The following SLC12A7 variants were observed in gnomAD, a reference collection of about 807,000 sequenced individuals.
SLC12A7 encodes the protein solute carrier family 12 member 7, also known as K-Cl cotransporter 4.
Under a neutral mutation model 120.6 loss-of-function variants are expected in SLC12A7, and 100 were observed. The ratio of observed to expected loss-of-function variants is 0.83; its 90% CI spans 0.71 to 0.98. The LOEUF (loss-of-function observed/expected upper bound fraction) is 0.98. Among genes scored for constraint, SLC12A7 ranks in the 50% least tolerant of loss-of-function variants. SLC12A7 has a pLI of 0.00. For synonymous variants in SLC12A7, 760 were observed against 678.0 expected (o/e 1.12, Z -1.88); for missense variants, 1,373 against 1,548.1 (o/e 0.89, Z 1.90).
chr5:1,065,551 G>T, intron 17 of SLC12A7, 73 bp from the exon 18 acceptor site: 2 of 1,340,450 alleles, frequency 1.5e-6, no homozygotes, highest in Non-Finnish European at 2.0e-6. Context: ...ACCCACGGTG[G>T]CCAGGGCACC....
chr5:1,076,643 C>T (rs757083002), intron 13 of SLC12A7, 51 bp downstream of exon 13: 78 of 1,389,190 alleles, frequency 5.6e-5, no homozygotes, highest in African/African-American at 9.9e-5. Context: ...CACTGCCCCA[C>T]GCTCCAGGCC....
chr5:1,061,456 T>A, intron 20 of SLC12A7, among the ~76,000 whole-genome samples: 1 of 30,254 alleles, frequency 3.3e-5, no homozygotes, highest in Non-Finnish European at 6.9e-5. Context: ...CCGTGCGGGA[T>A]CCCTGAGTCT....
the SLC12A7 span, among the ~76,000 whole-genome samples, chr5:1,129,529 A>G: frequency 6.6e-6 from 1 of 152,254 alleles, no homozygotes; most frequent in Non-Finnish European, 1.5e-5. Flanking sequence ...GACCAGGACC[A>G]GGACCAGGGA....
intron 2 of SLC12A7, 65 bp from the exon 3 acceptor site, chr5:1,093,720 C>G (rs1240763159): frequency 6.3e-6 from 10 of 1,599,052 alleles, no homozygotes; most frequent in African/African-American, 2.7e-5. Context: ...ACCTCCCTCC[C>G]CGTGTTCAGG....
At chr5:1,080,691 C>A (rs1402937485) in intron 9 of SLC12A7, among the ~76,000 whole-genome samples, 1 of 152,210 alleles carries the variant, frequency 6.6e-6, no homozygotes, top group Non-Finnish European at 1.5e-5. Context: ...GGCCCCACCC[C>A]CTGGGGAACA....
At chr5:1,093,969 C>T (rs1187780881) in intron 2 of SLC12A7, among the ~76,000 whole-genome samples, 185 bp downstream of exon 2, 2 of 152,122 alleles carry the variant, frequency 1.3e-5, no homozygotes, top group Admixed American at 6.5e-5. Context: ...AGCCGAGGAG[C>T]ACGTCCCAGC....
intron 3 of SLC12A7, among the ~76,000 whole-genome samples, chr5:1,091,724 C>T (rs1740525549): frequency 1.3e-5 from 2 of 151,504 alleles, no homozygotes. Context: ...AATTCCGCGG[C>T]GTCCACGTGC....
At chr5:1,052,911 T>A (rs1398813288) in intron 23 of SLC12A7, among the ~76,000 whole-genome samples, 2 of 152,170 alleles carry the variant, frequency 1.3e-5, no homozygotes, top group East Asian at 3.8e-4. Flanking sequence ...ACTGCGGAGT[T>A]CTCCTTCCAA....
the SLC12A7 span, among the ~76,000 whole-genome samples, chr5:1,151,717 G>C: frequency 6.6e-6 from 1 of 152,066 alleles, no homozygotes; most frequent in Non-Finnish European, 1.5e-5. This position sits in a 1 kb window ranked among gnomAD's most constrained non-coding sequence, Gnocchi z 6.2. Context: ...GGGGGGCAGG[G>C]GGTGGGTGGT....
At chr5:1,059,205 G>A (rs1400526245) in intron 21 of SLC12A7, among the ~76,000 whole-genome samples, 1 of 152,224 alleles carries the variant, frequency 6.6e-6, no homozygotes, top group Non-Finnish European at 1.5e-5. Context: ...CAAGCTGGGC[G>A]GCCCCCCGTG....
rs140483950 is a variant in SLC12A7, at chr5:1,067,163, G to A, written c.2242-1685C>T. Reference sequence around the variant, plus strand: ...ACCTCCACCTTCTGCCCAGCTGCCCGGGCGCAAGACGGGACAGGGTGCAGG... The same window carrying A: ...ACCTCCACCTTCTGCCCAGCTGCCCAGGCGCAAGACGGGACAGGGTGCAGG... On this transcript the variant is annotated intron_variant, in intron 17 of 23. Coordinates refer to ENST00000264930, the MANE Select transcript of SLC12A7 (RefSeq NM_006598.3). 1.3e-3 allele frequency among the ~76,000 whole-genome samples: 198 copies of A among 152,312 alleles called. 2 individuals carry two copies. In the East Asian group the frequency reaches 0.016, roughly 12 times the overall value.
the SLC12A7 span, among the ~76,000 whole-genome samples, chr5:1,148,829 T>C: frequency 1.3e-5 from 2 of 152,338 alleles, no homozygotes; most frequent in African/African-American, 4.8e-5. Flanking sequence ...CAGAAAAAAC[T>C]GGTCAGCTTT....
chr5:1,128,347 G>A, the SLC12A7 span, among the ~76,000 whole-genome samples: 1 of 152,226 alleles, frequency 6.6e-6, no homozygotes, highest in African/African-American at 2.4e-5. Flanking sequence ...GTGGAAACTG[G>A]TGGCCTCGCT....
intron 2 of SLC12A7, 134 bp from the exon 3 acceptor site, chr5:1,093,789 G>A (rs1740804419): frequency 7.5e-7 from 1 of 1,340,470 alleles, no homozygotes. Context: ...AAGCCAGAGA[G>A]GCCTGGACAC....
At chr5:1,139,403 C>T in the SLC12A7 span, among the ~76,000 whole-genome samples, 1 of 152,264 alleles carries the variant, frequency 6.6e-6, no homozygotes, top group South Asian at 2.1e-4. Context: ...TCACGAGGGC[C>T]CTGGGCCCCA....
At chr5:1,136,957 GAC>G in the SLC12A7 span, among the ~76,000 whole-genome samples, 1 of 145,924 alleles carries the variant, frequency 6.9e-6, no homozygotes, top group Admixed American at 6.8e-5. Flanking sequence ...ATACCACCAG[GAC>G]ACACACACAT....
chr5:1,065,205 C>CAGCG (rs1736903111), intron 18 of SLC12A7, 78 bp downstream of exon 18: 6 of 8,194 alleles, frequency 7.3e-4, no homozygotes, highest in African/African-American at 8.8e-4. Flanking sequence ...AGGAGACACA[C>CAGCG]AGGGGACAGC....
chr5:1,088,448 C>T, intron 4 of SLC12A7, 88 bp from the exon 5 acceptor site: 2 of 1,407,768 alleles, frequency 1.4e-6, no homozygotes, highest in Non-Finnish European at 9.8e-7. Flanking sequence ...TATGACCCGG[C>T]TCCCGCCGAA....
At position 1,050,512 on chromosome 5, in the gene SLC12A7, G is replaced by GTGCT. The variant is rs2150766378; in HGVS notation, c.*1844_*1847dup. ...GAGTTGACAACACAAAGGATGCCTG[G>GTGCT]TGCTTGCGTGCAGAGGCTGCAGCCC... On this transcript the variant is annotated 3_prime_UTR_variant, in exon 24 of 24. Transcript: ENST00000264930. 1 of 240,542 alleles carries GTGCT rather than the reference G, an allele frequency of 4.2e-6. No homozygotes were observed. Among genetic ancestry groups the GTGCT allele is most frequent in the South Asian group, 1.8e-4 (1 of 5,586 alleles). The allele number at this position is 240,542 out of a possible 1,614,324, so 14.9% of individuals were successfully genotyped here. A position where few individuals can be genotyped will look rare whatever the true frequency, so the allele number is the denominator to read the frequency against.
Sources: allele counts gnomAD v4.1 joint callset (sites outside exome capture counted in the v4.1 genomes callset), GRCh38; gene constraint gnomAD v4.1.1; non-coding constraint Gnocchi (gnomAD v3.1); transcripts MANE v1.5; gene names NCBI Gene and HGNC (gene_info 2026-07-23, HGNC 2026-07-21).